The following GALNT2 variants were observed in gnomAD, a reference collection of about 807,000 sequenced individuals.
GALNT2 encodes UDP-GalNAc:polypeptide N-acetylgalactosaminyltransferase 2.
A neutral mutation model predicts 81.4 loss-of-function variants in GALNT2; 31 were observed. That is an observed-to-expected ratio of 0.38 (90% CI 0.29 to 0.51). The LOEUF (loss-of-function observed/expected upper bound fraction) is 0.51. Among genes scored for constraint, GALNT2 ranks in the 20% least tolerant of loss-of-function variants. The probability of loss-of-function intolerance (pLI) is 0.87; values close to 1 mark genes in which losing one functional copy is unlikely to be tolerated. For missense variants in GALNT2, 629 were observed against 765.7 expected, an observed-to-expected ratio of 0.82 and a Z score of 2.11; for synonymous variants, 303 against 287.4, an observed-to-expected ratio of 1.05 and a Z score of -0.55.
intron 15 of GALNT2, among the ~76,000 whole-genome samples, chr1:230,277,497 C>T (rs1024289221): frequency 2.0e-5 from 3 of 152,184 alleles, no homozygotes; most frequent in African/African-American, 7.2e-5. Context: ...ACACACTTTA[C>T]ATGACAATGG....
intron 1 of GALNT2, among the ~76,000 whole-genome samples, chr1:230,110,717 T>G (rs1009853550): frequency 4.0e-5 from 6 of 151,286 alleles, no homozygotes; most frequent in Non-Finnish European, 8.8e-5. Context: ...CTTTTCTGTT[T>G]TTTTTTTTTT....
At chr1:230,089,117 A>G (rs1432495168) in intron 1 of GALNT2, among the ~76,000 whole-genome samples, 1 of 151,156 alleles carries the variant, frequency 6.6e-6, no homozygotes, top group African/African-American at 2.4e-5. Context: ...AAATACATAT[A>G]ACAAAACTGA....
intron 1 of GALNT2, among the ~76,000 whole-genome samples, chr1:230,164,130 G>A (rs925832676): frequency 1.3e-5 from 2 of 152,206 alleles, no homozygotes; most frequent in Non-Finnish European, 2.9e-5. Context: ...TCGCACACGT[G>A]TAGCTCCTCT....
chr1:230,164,875 G>C (rs1662552776), intron 1 of GALNT2, among the ~76,000 whole-genome samples: 1 of 152,108 alleles, frequency 6.6e-6, no homozygotes, highest in South Asian at 2.1e-4. Context: ...GGCTACCTGA[G>C]ATTCTACAGT....
chr1:230,220,731 G>A (rs374065546), intron 3 of GALNT2, among the ~76,000 whole-genome samples: 6 of 152,164 alleles, frequency 3.9e-5, no homozygotes, highest in African/African-American at 1.4e-4. Flanking sequence ...TTTTGTTAGG[G>A]TTGGTCCATT....
chr1:230,134,389 G>A (rs1184983479), intron 1 of GALNT2, among the ~76,000 whole-genome samples: 1 of 152,180 alleles, frequency 6.6e-6, no homozygotes, highest in Admixed American at 6.5e-5. Context: ...TTACAGGTGT[G>A]AGCCACTGCA....
At chr1:230,142,247 TAAG>T (rs1478694796) in intron 1 of GALNT2, among the ~76,000 whole-genome samples, 2 of 152,090 alleles carry the variant, frequency 1.3e-5, no homozygotes, top group Non-Finnish European at 2.9e-5. Context: ...ACAGGAAGCA[TAAG>T]GGATGGCCTC....
Position 230,082,979 on chromosome 1 carries a change from C to A in GALNT2, c.126+15573C>A, listed in dbSNP as rs544002995. ...GAGCAGCTGGGATGATGGAGCAGGG[C>A]AGCTGGGATGAAACAGCAGGGAGCT... On this transcript the variant is annotated intron_variant, in intron 1 of 15. Transcript: ENST00000366672. Among the ~76,000 whole-genome samples the A allele has an allele frequency of 1.2e-4, 17 of 138,884 alleles. No homozygotes were observed. In the South Asian group the frequency reaches 2.4e-3, roughly 19 times the overall value. The allele number at this position is 138,884 out of a possible 152,430, so 91.1% of individuals were successfully genotyped here.
chr1:230,274,380 T>C (rs1666227942), intron 14 of GALNT2, 65 bp from the exon 15 acceptor site: 2 of 1,577,182 alleles, frequency 1.3e-6, no homozygotes, highest in Non-Finnish European at 1.7e-6. Context: ...CCCTCATCGA[T>C]GCCCCTTCTT....
At chr1:230,184,353 A>G (rs906133466) in intron 2 of GALNT2, among the ~76,000 whole-genome samples, 7 of 151,558 alleles carry the variant, frequency 4.6e-5, no homozygotes, top group African/African-American at 1.7e-4. Context: ...CACCCAGCTA[A>G]TTTTTTTGTA....
chr1:230,207,227 G>T (rs1664090414), intron 3 of GALNT2, among the ~76,000 whole-genome samples: 1 of 151,994 alleles, frequency 6.6e-6, no homozygotes, highest in African/African-American at 2.4e-5. Context: ...AATCATAAAA[G>T]AATACAGGAG....
chr1:230,260,891 CTCT>C (rs1665857456), intron 11 of GALNT2, among the ~76,000 whole-genome samples: 2 of 152,186 alleles, frequency 1.3e-5, no homozygotes, highest in African/African-American at 4.8e-5. Flanking sequence ...CTGTCTCTCT[CTCT>C]TGTTTGCTCA....
intron 1 of GALNT2, among the ~76,000 whole-genome samples, chr1:230,113,929 G>A (rs181573743): frequency 5.1e-4 from 77 of 151,882 alleles, no homozygotes; most frequent in African/African-American, 1.8e-3. Flanking sequence ...TCAGAATAAC[G>A]TCAGCATGTG....
At chr1:230,113,572 T>C (rs1660762131) in intron 1 of GALNT2, among the ~76,000 whole-genome samples, 1 of 152,112 alleles carries the variant, frequency 6.6e-6, no homozygotes, top group Non-Finnish European at 1.5e-5. Flanking sequence ...TGGAACCCAG[T>C]GTCCCATGCA....
intron 15 of GALNT2, among the ~76,000 whole-genome samples, chr1:230,274,952 CACAT>C (rs1221703781): frequency 1.4e-5 from 2 of 145,766 alleles, no homozygotes; most frequent in African/African-American, 2.5e-5. Flanking sequence ...TATATATACA[CACAT>C]ATATACACAC....
At chr1:230,220,777 G>A (rs1365149366) in intron 3 of GALNT2, among the ~76,000 whole-genome samples, 4 of 152,122 alleles carry the variant, frequency 2.6e-5, no homozygotes, top group African/African-American at 9.7e-5. Context: ...AGGAAATCAT[G>A]GTATGATGTG....
chr1:230,254,275 T>A (rs1293719314), intron 10 of GALNT2, among the ~76,000 whole-genome samples: 1 of 152,170 alleles, frequency 6.6e-6, no homozygotes. Context: ...AGTCTAAGCT[T>A]CGACTGAGTT....
At chr1:230,266,197 AAAAC>A (rs57378356) in intron 14 of GALNT2, among the ~76,000 whole-genome samples, 85,839 of 151,410 alleles carry the variant, frequency 0.57, 26,982 homozygotes, top group East Asian at 0.9. Context: ...TCTGTCTCAA[AAAAC>A]AAACAAACAA....
upstream of GALNT2, among the ~76,000 whole-genome samples, chr1:230,062,585 A>T (rs1380588471): frequency 6.6e-6 from 1 of 152,080 alleles, no homozygotes; most frequent in Admixed American, 6.5e-5. Flanking sequence ...ACTGTAGGAA[A>T]CTCATATAAG....
Sources: allele counts gnomAD v4.1 joint callset (sites outside exome capture counted in the v4.1 genomes callset), GRCh38; gene constraint gnomAD v4.1.1; transcripts MANE v1.5; gene names NCBI Gene and HGNC (gene_info 2026-07-23, HGNC 2026-07-21).